GCNT1: variants seen among roughly 807,000 people sequenced by gnomAD.
The protein encoded by GCNT1 is beta-1,3-galactosyl-O-glycosyl-glycoprotein beta-1,6-N-acetylglucosaminyltransferase.
A neutral mutation model predicts 26.2 loss-of-function variants in GCNT1; 16 were observed. The observed-to-expected ratio is 0.61, with a 90% CI of 0.41 to 0.93. GCNT1 has a LOEUF of 0.93. GCNT1 is among the 40% of genes least tolerant of loss of function. The pLI is 0.00. For missense variants in GCNT1, 477 were observed against 526.7 expected, an observed-to-expected ratio of 0.91 and a Z score of 0.92; for synonymous variants, 183 against 190.8, an observed-to-expected ratio of 0.96 and a Z score of 0.34.
Position 76,444,933 on chromosome 9 carries a change from C to T in GCNT1, c.-290+2618C>T, listed in dbSNP as rs1456998628. 5.3e-5 allele frequency among the ~76,000 whole-genome samples: 8 copies of T among 152,180 alleles called. No individual in the cohort carries two copies. The East Asian group carries it at 1.2e-3, about 22-fold the overall frequency. ...AACTATGATCACACCTGTTCATTTA[C>T]GTGCTGTCTGTGGCTGCTGTCACAC... On this transcript the variant is annotated intron_variant, in intron 1 of 2. Coordinates refer to the GCNT1 transcript ENST00000442371.
chr9:76,394,097 G>A, the GCNT1 span: 2 of 1,605,932 alleles, frequency 1.2e-6, no homozygotes, highest in Non-Finnish European at 8.5e-7. Context: ...CACCTGTGGG[G>A]ATGCCCAGCT....
the GCNT1 span, chr9:76,394,413 C>A: frequency 2.2e-6 from 1 of 446,526 alleles, no homozygotes; most frequent in South Asian, 3.6e-5. Context: ...GCAGCGGAGA[C>A]AGCCGAAGTA....
intron 2 of GCNT1, among the ~76,000 whole-genome samples, chr9:76,470,492 C>A (rs1270018667): frequency 1.3e-5 from 2 of 151,458 alleles, no homozygotes; most frequent in African/African-American, 4.9e-5. Flanking sequence ...GTAGTCCCAG[C>A]TACTCAGGAG....
In GCNT1 at chr9:76,502,628, A is replaced by G. The variant is rs757279839; in HGVS notation, c.247A>G (p.Lys83Glu). The G allele has an allele frequency of 9.9e-6, 16 of 1,613,770 alleles. No homozygotes were observed. In the South Asian group the frequency reaches 1.6e-4, roughly 17 times the overall value. ...VKLEILTVKF[K>E]KRPRWTPDDY... ...GCTTGAGATCCTAACAGTGAAATTT[A>G]AAAAGCGCCCTCGGTGGACACCTGA... The change falls in exon 4 of 4, where the codon AAA (lysine) becomes GAA (glutamate). Residue 83 changes from lysine to glutamate, a missense_variant. Lys to Glu is a moderately conservative substitution (Grantham distance 56). Coordinates refer to ENST00000376730, the MANE Select transcript of GCNT1 (RefSeq NM_001490.5).
chr9:76,427,501 G>A (rs1223015817), intron 1 of GCNT1, among the ~76,000 whole-genome samples: 2 of 151,982 alleles, frequency 1.3e-5, no homozygotes, highest in Admixed American at 6.6e-5. Flanking sequence ...ACTTCTGACA[G>A]GGGTATAAAT....
At chr9:76,436,668 T>A (rs1262769036), upstream of GCNT1, among the ~76,000 whole-genome samples, 4 of 144,042 alleles carry the variant, frequency 2.8e-5, no homozygotes, top group Non-Finnish European at 3.0e-5. Flanking sequence ...TTTACTCAAA[T>A]AACATTTATT....
intron 1 of GCNT1, chr9:76,420,016 G>A (rs1823168674): frequency 6.6e-6 from 1 of 152,356 alleles, no homozygotes; most frequent in Non-Finnish European, 1.5e-5. Context: ...TAGCATTACA[G>A]GCTTGATACT....
intron 1 of GCNT1, among the ~76,000 whole-genome samples, chr9:76,446,440 G>A (rs528490689): frequency 6.6e-6 from 1 of 152,244 alleles, no homozygotes; most frequent in Non-Finnish European, 1.5e-5. Context: ...CCTTTATCAA[G>A]GTCTAAGGAA....
chr9:76,505,553 A>G lies in GCNT1; in HGVS notation c.*1885A>G, dbSNP rs1825215173. On this transcript the variant is annotated 3_prime_UTR_variant, in exon 4 of 4. Coordinates refer to ENST00000376730, the MANE Select transcript of GCNT1 (RefSeq NM_001490.5). ...GCACCTTTTAACTCTAAAACTAGTG[A>G]TACTCAGTGACATAGACTTTGTCTT... 1.2e-5 allele frequency: 2 copies of G among 166,640 alleles called. No homozygotes were observed. The highest frequency in any genetic ancestry group is 4.8e-5 in the African/African-American group (2 of 41,454). The allele number at this position is 166,640 out of a possible 1,614,324, so 10.3% of individuals were successfully genotyped here.
At chr9:76,410,142 A>T in the GCNT1 span, among the ~76,000 whole-genome samples, 2 of 152,084 alleles carry the variant, frequency 1.3e-5, no homozygotes, top group Non-Finnish European at 2.9e-5. Context: ...TATAATATTT[A>T]AAATTTGGGC....
chr9:76,471,336 G>A (rs1297805884), intron 2 of GCNT1, among the ~76,000 whole-genome samples: 1 of 152,086 alleles, frequency 6.6e-6, no homozygotes, highest in Non-Finnish European at 1.5e-5. Context: ...ACACTTGTCT[G>A]TCTTTATGCC....
intron 1 of GCNT1, among the ~76,000 whole-genome samples, chr9:76,452,917 A>T (rs1479916346): frequency 6.6e-6 from 1 of 152,168 alleles, no homozygotes; most frequent in Non-Finnish European, 1.5e-5. Flanking sequence ...AGCCCACAGA[A>T]CTATTTGAAC....
chr9:76,501,834 A>G (rs1434780908), intron 3 of GCNT1: 3 of 152,222 alleles, frequency 2.0e-5, no homozygotes, highest in African/African-American at 7.2e-5. Flanking sequence ...AAGGGGTGGT[A>G]ATTCTGGCAC....
At chr9:76,487,890 A>G (rs1305395375) in intron 2 of GCNT1, among the ~76,000 whole-genome samples, 1 of 152,110 alleles carries the variant, frequency 6.6e-6, no homozygotes, top group African/African-American at 2.4e-5. Context: ...GCACACCACC[A>G]CACGCAGATA....
At chr9:76,466,301 G>A (rs1374179901) in intron 2 of GCNT1, among the ~76,000 whole-genome samples, 7 of 151,746 alleles carry the variant, frequency 4.6e-5, no homozygotes, top group Admixed American at 4.6e-4. Context: ...ATGCTACTGG[G>A]ATTTTGTTTG....
the GCNT1 span, among the ~76,000 whole-genome samples, chr9:76,394,685 AC>A: frequency 1.3e-5 from 2 of 151,328 alleles, no homozygotes; most frequent in African/African-American, 4.9e-5. Context: ...TAATGTGGAA[AC>A]CCCGTTTTCA....
chr9:76,441,908 A>AT (rs1408085783), exon 1 of GCNT1: 1 of 152,254 alleles, frequency 6.6e-6, no homozygotes. Context: ...AGCAATCATG[A>AT]TTTTTTAAAA....
At position 76,502,416 on chromosome 9, in the gene GCNT1, C is replaced by T; in HGVS notation, c.35C>T (p.Ser12Phe). ...ACGTTGCTGCGAAGGAGACTTTTTTCTTATCCCACCAAATACTACTTTATG... is the reference window on the plus strand; with the variant it reads ...ACGTTGCTGCGAAGGAGACTTTTTTTTTATCCCACCAAATACTACTTTATG... ...LRTLLRRRLF[S>F]YPTKYYFMVL... The change falls in exon 4 of 4, where the codon TCT becomes TTT. Residue 12 changes from serine (S) to phenylalanine (F), a missense_variant. Transcript: ENST00000376730. The T allele has an allele frequency of 1.9e-6, 3 of 1,612,124 alleles. No homozygotes were observed. Among genetic ancestry groups the T allele is most frequent in the Non-Finnish European group, 2.5e-6 (3 of 1,179,218 alleles).
upstream of GCNT1, among the ~76,000 whole-genome samples, chr9:76,417,032 G>T (rs1191618014): frequency 6.6e-6 from 1 of 152,154 alleles, no homozygotes; most frequent in Non-Finnish European, 1.5e-5. Flanking sequence ...ACTCCAGCCT[G>T]GGTGACAGAG....
Sources: allele counts gnomAD v4.1 joint callset (sites outside exome capture counted in the v4.1 genomes callset), GRCh38; gene constraint gnomAD v4.1.1; transcripts MANE v1.5; gene names NCBI Gene and HGNC (gene_info 2026-07-23, HGNC 2026-07-21).